HTT: variants seen among roughly 807,000 people sequenced by gnomAD.
HTT encodes huntington disease protein.
HTT carries 104 observed loss-of-function variants against 362.3 expected under a neutral mutation model. That is an observed-to-expected ratio of 0.29 (90% CI 0.24 to 0.34). The LOEUF is 0.34. HTT is among the 10% of genes least tolerant of loss of function. HTT has a pLI of 1.00. For missense variants in HTT, 3,301 were observed against 3,928.6 expected, an observed-to-expected ratio of 0.84 and a Z score of 4.27; for synonymous variants, 1,577 against 1,548.7, an observed-to-expected ratio of 1.02 and a Z score of -0.43.
At position 3,203,871 on chromosome 4, in the gene HTT, C is replaced by G; in HGVS notation, c.5577-136C>G. ...TAACTGAGAGTATATATTACACATA[C>G]AACATTCTGATATGGCAATATTTAA... On this transcript the variant is annotated intron_variant, in intron 41 of 66. Transcript: ENST00000355072. The G allele has an allele frequency of 5.1e-6, 4 of 781,732 alleles. No individual in the cohort carries two copies. The South Asian group carries it at 7.1e-5, about 14-fold the overall frequency. 48.4% of individuals were successfully genotyped at this position (781,732 alleles called of 1,614,324 possible).
At chr4:3,116,021 G>C (rs1404363052) in intron 7 of HTT, 64 bp from the exon 8 acceptor site, 13 of 1,444,270 alleles carry the variant, frequency 9.0e-6, no homozygotes, top group Non-Finnish European at 1.3e-5. Context: ...TTTTTTAACA[G>C]ATTAAGCCGG....
intron 65 of HTT, 78 bp from the exon 66 acceptor site, chr4:3,238,740 C>T (rs1578620678): frequency 4.8e-6 from 5 of 1,038,630 alleles, no homozygotes; most frequent in East Asian, 2.6e-5. Context: ...GCCCCCACCC[C>T]ACCCCCGCCA....
At position 3,210,094 on chromosome 4, in the gene HTT, C is replaced by G. The variant is rs1578591300; in HGVS notation, c.6414+145C>G. The G allele has an allele frequency of 2.9e-6, 3 of 1,017,832 alleles. No homozygotes were observed. In the South Asian group the frequency reaches 4.4e-5, roughly 15 times the overall value. The allele number at this position is 1,017,832 out of a possible 1,614,324, so 63.1% of individuals were successfully genotyped here. Reference sequence around the variant, plus strand: ...GCAGGGACGGGATGTCGGAGAGACTCCACTCTGAATGGGGCCGGGAAGTGG... The same window carrying G: ...GCAGGGACGGGATGTCGGAGAGACTGCACTCTGAATGGGGCCGGGAAGTGG... On this transcript the variant is annotated intron_variant, in intron 47 of 66. Coordinates refer to ENST00000355072, the MANE Select transcript of HTT (RefSeq NM_001388492.1).
intron 2 of HTT, among the ~76,000 whole-genome samples, chr4:3,096,463 C>T (rs1278691649): frequency 2.6e-5 from 4 of 152,190 alleles, no homozygotes; most frequent in African/African-American, 9.7e-5. Flanking sequence ...AGAGCAGATG[C>T]TGGGCCATAA....
chr4:3,180,499 C>G lies in HTT; in HGVS notation c.4613-16C>G, dbSNP rs1238528229. The G allele has an allele frequency of 1.3e-6, 2 of 1,561,896 alleles. No individual in the cohort carries two copies. The highest frequency in any genetic ancestry group is 2.0e-5 in the Admixed American group (1 of 50,344). ...TCCATGAAATGCCTGATAAGGGTAC[C>G]CTTTTGTCCCCACAGCCATACCGGC... is the stretch of plus-strand genomic sequence containing the variant. On this transcript the variant is annotated splice_polypyrimidine_tract_variant and intron_variant, in intron 35 of 66. Coordinates refer to ENST00000355072, the MANE Select transcript of HTT (RefSeq NM_001388492.1).
intron 40 of HTT, among the ~76,000 whole-genome samples, chr4:3,194,007 GT>G (rs1458860445): frequency 2.0e-5 from 3 of 152,180 alleles, no homozygotes; most frequent in Non-Finnish European, 2.9e-5. Context: ...AAGACACTAG[GT>G]GGCAGAATTA....
chr4:3,195,560 C>G (rs1053930935), intron 40 of HTT, among the ~76,000 whole-genome samples: 1 of 152,138 alleles, frequency 6.6e-6, no homozygotes, highest in Non-Finnish European at 1.5e-5. Flanking sequence ...CTCATCACTA[C>G]TCGGGACCCT....
At chr4:3,215,084 TTC>T in intron 50 of HTT, 24 bp from the exon 51 acceptor site, 2 of 1,559,288 alleles carry the variant, frequency 1.3e-6, no homozygotes, top group Non-Finnish European at 1.8e-6. Context: ...GTAGAAATTC[TTC>T]TCTTTGTTCT....
At chr4:3,107,063 C>T (rs938517705) in intron 5 of HTT, among the ~76,000 whole-genome samples, 4 of 151,852 alleles carry the variant, frequency 2.6e-5, no homozygotes, top group Admixed American at 6.6e-5. Context: ...ATTTTTAAAC[C>T]CAGCCTTTTA....
At chr4:3,164,666 AT>A (rs1297445550) in intron 29 of HTT, among the ~76,000 whole-genome samples, 1 of 152,058 alleles carries the variant, frequency 6.6e-6, no homozygotes, top group East Asian at 1.9e-4. Context: ...TCCCTTTACC[AT>A]TATGTAATGG....
intron 40 of HTT, among the ~76,000 whole-genome samples, chr4:3,194,836 T>A (rs1266499141): frequency 6.6e-6 from 1 of 152,180 alleles, no homozygotes; most frequent in Non-Finnish European, 1.5e-5. Context: ...GTAATAAAGT[T>A]GACATTGATT....
chr4:3,147,554 A>G (rs1472038435), intron 25 of HTT, among the ~76,000 whole-genome samples: 1 of 152,186 alleles, frequency 6.6e-6, no homozygotes, highest in African/African-American at 2.4e-5. Flanking sequence ...GAGTTTCGTG[A>G]AAGGGACTAA....
intron 57 of HTT, among the ~76,000 whole-genome samples, chr4:3,226,659 T>G (rs1720933473): frequency 6.6e-6 from 1 of 152,248 alleles, no homozygotes. Flanking sequence ...AGGACAGTTC[T>G]CTTTGTAGCT....
chr4:3,091,611 G>C (rs1314362715), intron 2 of HTT, among the ~76,000 whole-genome samples: 1 of 152,132 alleles, frequency 6.6e-6, no homozygotes, highest in East Asian at 1.9e-4. Context: ...TCGACCTGTC[G>C]GCACCTTGTT....
chr4:3,127,380 G>T lies in HTT; in HGVS notation c.1519G>T (p.Ala507Ser). 1 of 1,614,190 alleles carries T rather than the reference G, an allele frequency of 6.2e-7. No homozygotes were observed. The highest frequency in any genetic ancestry group is 1.1e-5 in the South Asian group (1 of 91,088). Residue 507 changes from alanine to serine, a missense_variant, in exon 12 of 67, where the codon GCG becomes TCG. Ala to Ser is a moderately conservative substitution (Grantham distance 99). Around this residue, in one of 4 missense-constraint regions of HTT, gnomAD observed 2,316 missense variants for 2,658.5 expected, o/e 0.87. Coordinates refer to ENST00000355072, the MANE Select transcript of HTT (RefSeq NM_001388492.1). ...EQPRSQHTLQ[A>S]DSVDLASCDL... ...GCCACGGTCACAGCACACACTGCAGGCGGACTCAGTGGATCTGGCCAGCTG... is the reference window on the plus strand; with the variant it reads ...GCCACGGTCACAGCACACACTGCAGTCGGACTCAGTGGATCTGGCCAGCTG...
At chr4:3,144,462 C>T (rs531706756) in intron 23 of HTT, among the ~76,000 whole-genome samples, 35 of 152,180 alleles carry the variant, frequency 2.3e-4, no homozygotes, top group Non-Finnish European at 3.8e-4. Flanking sequence ...GAATTACAGG[C>T]GTGTGGCACC....
rs754053539 is a variant in HTT, at chr4:3,132,757, A to G, written c.2395+37A>G. The G allele has an allele frequency of 1.9e-6, 3 of 1,613,464 alleles. No individual in the cohort carries two copies. The East Asian group carries it at 6.7e-5, about 36-fold the overall frequency. On this transcript the variant is annotated intron_variant, in intron 17 of 66. Transcript: ENST00000355072. ...TTTTTCAGCTGTGTTTTTTCTAGTT[A>G]TGCTTACTAAGGTTTAAGTTTAGAT...
intron 1 of HTT, among the ~76,000 whole-genome samples, chr4:3,075,651 G>A (rs1046639382): frequency 7.0e-6 from 1 of 143,426 alleles, no homozygotes; most frequent in Non-Finnish European, 1.5e-5. Flanking sequence ...GCGGGGCAGG[G>A]GGGGGGCGGG....
intron 51 of HTT, 72 bp downstream of exon 51, chr4:3,215,283 C>T (rs1026200068): frequency 1.7e-6 from 2 of 1,153,218 alleles, no homozygotes; most frequent in Non-Finnish European, 2.5e-6. Context: ...CAGAGACGTG[C>T]ACCGCGGTGA....
Sources: gnomAD v4.1 joint callset for allele counts (sites outside exome capture counted in the v4.1 genomes callset) on GRCh38, gnomAD v4.1.1 for gene constraint, gnomAD v4.1.1 regional missense constraint, MANE v1.5 for transcripts, NCBI Gene and HGNC (gene_info 2026-07-23, HGNC 2026-07-21) for gene names.